IDE: variants seen among roughly 807,000 people sequenced by gnomAD.
The protein encoded by IDE is insulin degrading enzyme, also known as insulin-degrading enzyme.
IDE carries 58 observed loss-of-function variants against 133.2 expected under a neutral mutation model. That is an observed-to-expected ratio of 0.44 (90% CI 0.35 to 0.54). IDE has a LOEUF of 0.54. Among genes scored for constraint, IDE ranks in the 20% least tolerant of loss-of-function variants. IDE has a pLI of 0.00. For synonymous variants in IDE, 396 were observed against 421.3 expected (o/e 0.94, Z 0.73); for missense variants, 981 against 1,234.0 (o/e 0.79, Z 3.07).
chr10:92,535,279 A>AT (rs1251438446), intron 2 of IDE, among the ~76,000 whole-genome samples: 2 of 151,970 alleles, frequency 1.3e-5, no homozygotes, highest in African/African-American at 4.8e-5. Context: ...AATTCTTTGT[A>AT]TTTTTATTAG....
intron 1 of IDE, among the ~76,000 whole-genome samples, chr10:92,573,410 T>C (rs999606618): frequency 5.3e-5 from 8 of 152,130 alleles, no homozygotes; most frequent in African/African-American, 1.9e-4. Flanking sequence ...AGGCAAACTT[T>C]TTTCCCAGCG....
chr10:92,506,339 C>T, intron 10 of IDE, 103 bp downstream of exon 10: 1 of 534,576 alleles, frequency 1.9e-6, no homozygotes, highest in Non-Finnish European at 3.3e-6. Context: ...AAGCTTTATA[C>T]CTCAGCTTCA....
In IDE at chr10:92,537,510, T is replaced by C. The variant is rs1177851736; in HGVS notation, c.139A>G (p.Ile47Val). 2 of 1,604,292 alleles carry C rather than the reference T, an allele frequency of 1.2e-6. No homozygotes were observed. The highest frequency in any genetic ancestry group is 2.2e-5 in the East Asian group (1 of 44,860). Residue 47 changes from isoleucine (I) to valine (V), a missense_variant, in exon 2 of 25, where the codon ATC (isoleucine) becomes GTC (valine). Around this residue, in one of 2 missense-constraint regions of IDE, gnomAD observed 321 missense variants for 339.3 expected, o/e 0.95. Coordinates refer to ENST00000265986, the MANE Select transcript of IDE (RefSeq NM_004969.4). ...KTYSKMNNPA[I>V]KRIGNHITKS... ...GTAATGTGATTTCCTATTCTCTTGA[T>C]GGCTGGATTATTCATTTTGCTGTAA...
chr10:92,527,449 T>C (rs1455475274), intron 4 of IDE, among the ~76,000 whole-genome samples: 1 of 152,168 alleles, frequency 6.6e-6, no homozygotes, highest in East Asian at 1.9e-4. Context: ...ATTAATTTTA[T>C]AATGAGATTA....
intron 4 of IDE, among the ~76,000 whole-genome samples, chr10:92,524,020 A>G (rs985027510): frequency 5.3e-5 from 8 of 151,912 alleles, no homozygotes; most frequent in Non-Finnish European, 8.8e-5. Context: ...GCAAACAAAA[A>G]AACAAAATAG....
chr10:92,507,567 A>G lies in IDE; in HGVS notation c.1245+8T>C, dbSNP rs749581031. 9.1e-6 allele frequency: 14 copies of G among 1,533,062 alleles called. No individual in the cohort carries two copies. The East Asian group carries it at 2.5e-4, about 27-fold the overall frequency. 95.0% of individuals were successfully genotyped at this position (1,533,062 alleles called of 1,614,324 possible). ...TCCTTAAGAAAAATTTTGGTGAAAC[A>G]AAAGTACCTTGCACTCTTGGAAAAC... is the stretch of plus-strand genomic sequence containing the variant. On this transcript the variant is annotated splice_region_variant and intron_variant, in intron 9 of 24. Coordinates refer to ENST00000265986, the MANE Select transcript of IDE (RefSeq NM_004969.4).
intron 19 of IDE, among the ~76,000 whole-genome samples, chr10:92,468,455 C>T (rs1845803183): frequency 6.6e-6 from 1 of 152,136 alleles, no homozygotes; most frequent in Non-Finnish European, 1.5e-5. Context: ...TAAAAATATA[C>T]TTGTAATGAT....
chr10:92,496,933 CTG>C (rs981110258), intron 11 of IDE, among the ~76,000 whole-genome samples: 29 of 152,264 alleles, frequency 1.9e-4, no homozygotes, highest in African/African-American at 6.7e-4. Flanking sequence ...AGGCAGAAAA[CTG>C]GAGATGGAGA....
In IDE at chr10:92,461,314, C is replaced by A. The variant is rs939431211; in HGVS notation, c.2762-62G>T. On this transcript the variant is annotated intron_variant, in intron 21 of 24. Coordinates refer to ENST00000265986, the MANE Select transcript of IDE (RefSeq NM_004969.4). ...TCATATGAAGCAGCCCAGAACAGTA[C>A]ACTAAATGACAATATACTTCACTCC... is the stretch of plus-strand genomic sequence containing the variant. 13 of 785,960 alleles carry A rather than the reference C, an allele frequency of 1.7e-5. No individual in the cohort carries two copies. The Admixed American group carries it at 2.6e-4, about 16-fold the overall frequency. 48.7% of individuals were successfully genotyped at this position (785,960 alleles called of 1,614,324 possible). A position where few individuals can be genotyped will look rare whatever the true frequency, so the allele number is the denominator to read the frequency against.
chr10:92,493,223 A>G (rs1847470632), intron 11 of IDE, among the ~76,000 whole-genome samples: 1 of 152,172 alleles, frequency 6.6e-6, no homozygotes, highest in Non-Finnish European at 1.5e-5. Flanking sequence ...AGGGCATTCA[A>G]TACATGATAG....
chr10:92,524,350 A>AAT (rs1849415712), intron 4 of IDE, among the ~76,000 whole-genome samples: 1 of 28,942 alleles, frequency 3.5e-5, no homozygotes, highest in African/African-American at 1.5e-4. Flanking sequence ...TATTATATAT[A>AAT]ATATATTTTA....
At chr10:92,456,459 CT>C (rs1282657441) in intron 22 of IDE, 28 bp from the exon 23 acceptor site, 56 of 1,530,452 alleles carry the variant, frequency 3.7e-5, no homozygotes, top group Non-Finnish European at 5.0e-5. Context: ...CAGGGTCACC[CT>C]TTTGCTCCAC....
chr10:92,473,116 G>A (rs1156851119), intron 17 of IDE, among the ~76,000 whole-genome samples: 1 of 150,284 alleles, frequency 6.7e-6, no homozygotes, highest in Non-Finnish European at 1.5e-5. Context: ...CTAATTTTTT[G>A]TATTTTTAGT....
At chr10:92,467,235 A>G (rs879674304) in intron 19 of IDE, among the ~76,000 whole-genome samples, 1 of 151,674 alleles carries the variant, frequency 6.6e-6, no homozygotes, top group Non-Finnish European at 1.5e-5. Context: ...TGCCCAGCTA[A>G]TTTTTTTTAT....
chr10:92,485,327 G>A (rs1171385783), intron 13 of IDE, among the ~76,000 whole-genome samples: 1 of 151,828 alleles, frequency 6.6e-6, no homozygotes, highest in Non-Finnish European at 1.5e-5. Flanking sequence ...CACCATTTTG[G>A]TCAGGCTGGT....
chr10:92,511,865 CA>C (rs1848649084), intron 5 of IDE, among the ~76,000 whole-genome samples: 3 of 152,108 alleles, frequency 2.0e-5, no homozygotes, highest in African/African-American at 7.2e-5. Flanking sequence ...ACAAGGTGAG[CA>C]GTCAATAAAG....
chr10:92,501,157 C>T (rs983608634), intron 11 of IDE, among the ~76,000 whole-genome samples: 9 of 144,798 alleles, frequency 6.2e-5, no homozygotes, highest in African/African-American at 1.0e-4. Context: ...CTCAGGAGTT[C>T]GAGACTAATC....
chr10:92,562,397 A>T (rs1003034496), intron 1 of IDE, among the ~76,000 whole-genome samples: 9 of 152,258 alleles, frequency 5.9e-5, no homozygotes, highest in African/African-American at 2.2e-4. Context: ...GAAGCTACTT[A>T]GTCTGGTGGC....
Position 92,455,759 on chromosome 10 carries a change from T to C in IDE, c.2897-116A>G, listed in dbSNP as rs530389580. 10 of 640,596 alleles carry C rather than the reference T, an allele frequency of 1.6e-5. No individual in the cohort carries two copies. The Admixed American group carries it at 1.9e-4, about 12-fold the overall frequency. 39.7% of individuals were successfully genotyped at this position (640,596 alleles called of 1,614,324 possible). On this transcript the variant is annotated intron_variant, in intron 23 of 24. Transcript: ENST00000265986. ...AAAAACACCGCACCAGCCCCGTTCA[T>C]GTACTTCTCAGATCCTCTAAAGGTT... is the stretch of plus-strand genomic sequence containing the variant.
Sources: gnomAD v4.1 joint callset for allele counts (sites outside exome capture counted in the v4.1 genomes callset) on GRCh38, gnomAD v4.1.1 for gene constraint, gnomAD v4.1.1 regional missense constraint, MANE v1.5 for transcripts, NCBI Gene and HGNC (gene_info 2026-07-23, HGNC 2026-07-21) for gene names.